ZNF883: variants seen among roughly 807,000 people sequenced by gnomAD.
ZNF883 encodes zinc finger protein 883.
exon 1 of ZNF883, chr9:112,997,958 T>G (rs769884488): frequency 1.7e-5 from 27 of 1,613,786 alleles, no homozygotes; most frequent in Non-Finnish European, 5.9e-6. Flanking sequence ...TTTTTCACAT[T>G]CATTACACTC....
chr9:112,988,279 TTGATCC>T (rs1455598010), intron 1 of ZNF883, among the ~76,000 whole-genome samples: 1 of 152,082 alleles, frequency 6.6e-6, no homozygotes, highest in African/African-American at 2.4e-5. Flanking sequence ...GTATTAGCTA[TTGATCC>T]TGATCCTCTC....
At chr9:112,990,267 T>TA (rs1276433295) in intron 1 of ZNF883, among the ~76,000 whole-genome samples, 2 of 152,164 alleles carry the variant, frequency 1.3e-5, no homozygotes, top group Admixed American at 1.3e-4. Context: ...ATGTGGCTCT[T>TA]ACTATTTTGA....
At chr9:113,002,466 T>G (rs534912222), upstream of ZNF883, among the ~76,000 whole-genome samples, 2 of 152,268 alleles carry the variant, frequency 1.3e-5, no homozygotes, top group African/African-American at 4.8e-5. Context: ...CAGTTAATAA[T>G]AATGTACCAA....
At chr9:113,005,222 T>C (rs1170589058) in intron 2 of ZNF883, among the ~76,000 whole-genome samples, 2 of 151,990 alleles carry the variant, frequency 1.3e-5, no homozygotes, top group Non-Finnish European at 2.9e-5. Flanking sequence ...CAGAAGGCAA[T>C]CAACTAAATT....
intron 1 of ZNF883, 26 bp downstream of exon 1, chr9:113,012,124 C>G (rs1410640347): frequency 6.6e-6 from 1 of 152,244 alleles, no homozygotes; most frequent in Admixed American, 6.5e-5. Context: ...CACACGAGTG[C>G]AAGGGTCGGG....
upstream of ZNF883, among the ~76,000 whole-genome samples, chr9:113,000,604 T>C (rs371473748): frequency 3.3e-5 from 5 of 152,244 alleles, no homozygotes; most frequent in Admixed American, 6.5e-5. Context: ...AAATAGATTA[T>C]AGGGAATTTT....
chr9:112,995,709 T>C (rs575990463), downstream of ZNF883, among the ~76,000 whole-genome samples: 33 of 113,592 alleles, frequency 2.9e-4, no homozygotes, highest in African/African-American at 1.4e-3. Context: ...TCTATTAAGA[T>C]AGGTTTTTGT....
downstream of ZNF883, among the ~76,000 whole-genome samples, chr9:112,993,132 T>C (rs529664688): frequency 3.0e-4 from 45 of 152,328 alleles, no homozygotes; most frequent in African/African-American, 4.1e-4. Flanking sequence ...TTGCAATCAA[T>C]TGGAGGAGAA....
downstream of ZNF883, among the ~76,000 whole-genome samples, chr9:112,995,874 T>C (rs1032529681): frequency 1.3e-5 from 2 of 152,158 alleles, no homozygotes; most frequent in Admixed American, 6.5e-5. Context: ...ACTCTTGGAT[T>C]TTTTGTCCTT....
chr9:113,007,263 C>T (rs904766102), intron 2 of ZNF883, among the ~76,000 whole-genome samples: 12 of 152,210 alleles, frequency 7.9e-5, no homozygotes, highest in African/African-American at 2.4e-4. Context: ...GAACACTCAA[C>T]GATTAATGTT....
At chr9:112,998,179 G>A (rs1435981852) in exon 1 of ZNF883, 2 of 1,613,812 alleles carry the variant, frequency 1.2e-6, no homozygotes, top group Non-Finnish European at 1.7e-6. Flanking sequence ...GCTGGGTCAG[G>A]GATGCAAGAC....
At chr9:112,997,055 C>A, downstream of ZNF883, 2 of 1,445,150 alleles carry the variant, frequency 1.4e-6, no homozygotes, top group Non-Finnish European at 1.8e-6. Context: ...CCTAGGGTTG[C>A]TTGAACTGTG....
At chr9:112,997,673 A>G in exon 1 of ZNF883, 1 of 1,612,762 alleles carries the variant, frequency 6.2e-7, no homozygotes, top group African/African-American at 1.3e-5. Context: ...ATGTCGGATT[A>G]GTGATGTACT....
At chr9:113,006,450 TTTA>T (rs1246510034) in intron 2 of ZNF883, among the ~76,000 whole-genome samples, 1 of 152,092 alleles carries the variant, frequency 6.6e-6, no homozygotes, top group Non-Finnish European at 1.5e-5. Context: ...TAGCCACCCT[TTTA>T]TTTTACTTTT....
At chr9:113,001,917 C>G (rs1049920259), upstream of ZNF883, 1 of 152,162 alleles carries the variant, frequency 6.6e-6, no homozygotes, top group African/African-American at 2.4e-5. Context: ...GGTCCCTAAA[C>G]TCAAAGCTCA....
exon 1 of ZNF883, chr9:112,997,855 G>A (rs1308212366): frequency 2.5e-6 from 4 of 1,613,052 alleles, no homozygotes; most frequent in African/African-American, 1.3e-5. Context: ...CAGAGATATG[G>A]CTGAAAGCTT....
rs576086198 is a variant in ZNF883, at chr9:113,004,716, TTC to T, written n.166-2645_166-2644del. On this transcript the variant is annotated intron_variant and non_coding_transcript_variant, in intron 2 of 4. Coordinates refer to the ZNF883 transcript ENST00000638622. ...TGTTTAAGCCACCCAGTCTACAGTA[TTC>T]TGTTACAGTAGCCCAAACTATCTAA... 5.9e-5 allele frequency among the ~76,000 whole-genome samples: 9 copies of T among 151,716 alleles called. No individual in the cohort carries two copies. In the South Asian group the frequency reaches 1.9e-3, roughly 32 times the overall value.
rs771230594 is a variant in ZNF883 at position 112,998,099 on chromosome 9, C to T, written n.161G>A. On this transcript the variant is annotated non_coding_transcript_exon_variant, in exon 1 of 1. Coordinates refer to ENST00000639662, the Ensembl canonical transcript of ZNF883. ...TATTCTTTGATGTTGAACAAGATTA[C>T]TGTTCCGGGTAAAGGACTTACCACA... 5.6e-6 allele frequency: 9 copies of T among 1,613,782 alleles called. No individual in the cohort carries two copies. The Admixed American group carries it at 1.3e-4, about 24-fold the overall frequency.
chr9:112,988,329 A>G (rs879992138), intron 1 of ZNF883, among the ~76,000 whole-genome samples: 1 of 148,680 alleles, frequency 6.7e-6, no homozygotes, highest in African/African-American at 2.4e-5. Context: ...CCCAGTGTGT[A>G]TTGTTCCTCT....
Sources: gnomAD v4.1 joint callset for allele counts (sites outside exome capture counted in the v4.1 genomes callset) on GRCh38, gnomAD v4.1.1 for gene constraint, MANE v1.5 for transcripts, NCBI Gene and HGNC (gene_info 2026-07-23, HGNC 2026-07-21) for gene names.